The following DNAJC15 variants were observed in gnomAD, a reference collection of about 807,000 sequenced individuals.
DNAJC15 encodes dnaJ homolog subfamily C member 15.
DNAJC15 carries 27 observed loss-of-function variants against 22.4 expected under a neutral mutation model. The ratio of observed to expected loss-of-function variants is 1.20; its 90% CI spans 0.89 to 1.66. The LOEUF (loss-of-function observed/expected upper bound fraction) is 1.66, where lower values mean the gene tolerates loss of function less well. Ranked by LOEUF, DNAJC15 falls within the 40% of genes most tolerant of loss-of-function variation. The pLI, the probability that DNAJC15 is intolerant of heterozygous loss-of-function variation, is 0.00. For missense variants in DNAJC15, 208 were observed against 187.1 expected, an observed-to-expected ratio of 1.11 and a Z score of -0.65; for synonymous variants, 79 against 63.2, an observed-to-expected ratio of 1.25 and a Z score of -1.19.
Position 43,074,981 on chromosome 13 carries a change from A to G in DNAJC15, c.235-3631A>G, listed in dbSNP as rs534295958. Among the ~76,000 whole-genome samples, 364 of 152,304 alleles carry G rather than the reference A, an allele frequency of 2.4e-3. 2 individuals are homozygous for G. The highest frequency in any genetic ancestry group is 8.6e-3 in the African/African-American group (357 of 41,568). On this transcript the variant is annotated intron_variant, in intron 3 of 5. Transcript: ENST00000379221. ...AACTTTTTGTATCTGTGGTTTCTGT[A>G]GGGCTGACCGTGGTGCCTGAGTGCA...
chr13:43,073,266 A>G (rs2040617141), intron 3 of DNAJC15, among the ~76,000 whole-genome samples: 1 of 152,220 alleles, frequency 6.6e-6, no homozygotes. Flanking sequence ...CATGTCTTTC[A>G]GAGCAAGGAG....
intron 1 of DNAJC15, among the ~76,000 whole-genome samples, chr13:43,052,665 C>T (rs2040510861): frequency 6.6e-6 from 1 of 152,168 alleles, no homozygotes; most frequent in Admixed American, 6.5e-5. Flanking sequence ...GATCCACCTG[C>T]CTTGGCCTCC....
chr13:43,046,758 C>T (rs999739072), intron 1 of DNAJC15, among the ~76,000 whole-genome samples: 3 of 152,146 alleles, frequency 2.0e-5, no homozygotes, highest in African/African-American at 4.8e-5. Context: ...TGTTACGGTT[C>T]GAGCTGAGCT....
chr13:43,055,486 G>A (rs2040526130), intron 1 of DNAJC15, among the ~76,000 whole-genome samples: 1 of 152,138 alleles, frequency 6.6e-6, no homozygotes, highest in Non-Finnish European at 1.5e-5. Context: ...ACTCAAGTCT[G>A]TGTGTGTAGT....
At chr13:43,037,723 T>A (rs1324263806) in intron 1 of DNAJC15, among the ~76,000 whole-genome samples, 1 of 152,220 alleles carries the variant, frequency 6.6e-6, no homozygotes, top group Non-Finnish European at 1.5e-5. Flanking sequence ...CTAGTTTATA[T>A]ATATGAATGC....
At chr13:43,084,296 A>G (rs977618095) in intron 4 of DNAJC15, among the ~76,000 whole-genome samples, 1 of 152,210 alleles carries the variant, frequency 6.6e-6, no homozygotes, top group African/African-American at 2.4e-5. Flanking sequence ...CTTTACTTTC[A>G]TGTGTGCTAG....
intron 1 of DNAJC15, among the ~76,000 whole-genome samples, chr13:43,057,826 G>T (rs2040539161): frequency 6.6e-6 from 1 of 152,166 alleles, no homozygotes; most frequent in Non-Finnish European, 1.5e-5. Context: ...TTCCTCTAGG[G>T]ATTGGGCTTC....
chr13:43,085,902 T>G, intron 5 of DNAJC15, 64 bp downstream of exon 5: 1 of 1,373,834 alleles, frequency 7.3e-7, no homozygotes, highest in Non-Finnish European at 1.0e-6. Context: ...CCTTTCAGAT[T>G]AAAGTCATAT....
chr13:43,085,744 A>G (rs753692528), intron 4 of DNAJC15, 24 bp from the exon 5 acceptor site: 5 of 1,594,138 alleles, frequency 3.1e-6, no homozygotes, highest in Non-Finnish European at 8.6e-7. Context: ...TATTTATTAT[A>G]AGCACTGTAA....
rs2040812847 is a variant in DNAJC15 at position 43,109,145 on chromosome 13, CAATA to C, written c.*1902_*1905del. 2.0e-5 allele frequency: 3 copies of C among 152,160 alleles called. No individual in the cohort carries two copies. The highest frequency in any genetic ancestry group is 2.9e-5 in the Non-Finnish European group (2 of 68,036). 9.4% of individuals were successfully genotyped at this position (152,160 alleles called of 1,614,324 possible). A position where few individuals can be genotyped will look rare whatever the true frequency, so the allele number is the denominator to read the frequency against. On this transcript the variant is annotated 3_prime_UTR_variant, in exon 6 of 6. Transcript: ENST00000379221. ...TCTTGTTTGGTGTTACATTGGCACC[CAATA>C]AATATTTGTTGAGTGAATGAATAAA...
chr13:43,035,016 A>G (rs1381723913), intron 1 of DNAJC15, among the ~76,000 whole-genome samples: 3 of 152,094 alleles, frequency 2.0e-5, no homozygotes, highest in Non-Finnish European at 4.4e-5. Context: ...TCCCACCCAA[A>G]TGTTCCCCAA....
intron 5 of DNAJC15, among the ~76,000 whole-genome samples, chr13:43,089,964 G>T (rs778054827): frequency 6.6e-6 from 1 of 152,158 alleles, no homozygotes; most frequent in Non-Finnish European, 1.5e-5. Context: ...ATTAGTCAAG[G>T]CAGTGACACC....
chr13:43,064,970 GAAAAA>G (rs34236620), intron 1 of DNAJC15, among the ~76,000 whole-genome samples: 47 of 142,620 alleles, frequency 3.3e-4, no homozygotes, highest in Non-Finnish European at 3.4e-4. Flanking sequence ...TGATCATATT[GAAAAA>G]AAAAAAAAAA....
At chr13:43,063,963 T>C (rs1217362118) in intron 1 of DNAJC15, among the ~76,000 whole-genome samples, 2 of 152,204 alleles carry the variant, frequency 1.3e-5, no homozygotes, top group Non-Finnish European at 2.9e-5. Flanking sequence ...GCAGAACATT[T>C]GCTTTAAATC....
At chr13:43,094,136 A>G (rs1055833368) in intron 5 of DNAJC15, among the ~76,000 whole-genome samples, 2 of 152,236 alleles carry the variant, frequency 1.3e-5, no homozygotes, top group African/African-American at 2.4e-5. Flanking sequence ...AACCATGCCA[A>G]TGAACTTTCA....
intron 3 of DNAJC15, among the ~76,000 whole-genome samples, chr13:43,074,311 T>C (rs1242421345): frequency 6.6e-6 from 1 of 152,210 alleles, no homozygotes; most frequent in Non-Finnish European, 1.5e-5. Flanking sequence ...ATAGCATTTA[T>C]TGCTAATTTT....
intron 3 of DNAJC15, among the ~76,000 whole-genome samples, chr13:43,078,308 G>C (rs945910409): frequency 1.3e-5 from 2 of 152,164 alleles, no homozygotes; most frequent in Admixed American, 6.5e-5. Context: ...AATGAGAAAA[G>C]TACTACAGAG....
intron 5 of DNAJC15, among the ~76,000 whole-genome samples, chr13:43,097,666 G>A (rs762163435): frequency 3.9e-5 from 6 of 152,158 alleles, no homozygotes; most frequent in African/African-American, 7.2e-5. Flanking sequence ...GGCCCGGTAC[G>A]GTGGCTCATT....
chr13:43,094,773 G>A (rs1214329948), intron 5 of DNAJC15, among the ~76,000 whole-genome samples: 1 of 152,084 alleles, frequency 6.6e-6, no homozygotes, highest in Admixed American at 6.5e-5. Context: ...TTAGCAGCTT[G>A]TGAGACTGCA....
Sources: gnomAD v4.1 joint callset for allele counts (sites outside exome capture counted in the v4.1 genomes callset) on GRCh38, gnomAD v4.1.1 for gene constraint, MANE v1.5 for transcripts, NCBI Gene and HGNC (gene_info 2026-07-23, HGNC 2026-07-21) for gene names.